Variants in STARD9 observed in about 807,000 individuals in gnomAD.
STARD9 encodes stAR-related lipid transfer protein 9.
A neutral mutation model predicts 399.8 loss-of-function variants in STARD9; 346 were observed. The ratio of observed to expected loss-of-function variants is 0.87; its 90% confidence interval spans 0.79 to 0.95. The LOEUF (loss-of-function observed/expected upper bound fraction) is 0.95, where lower values mean the gene tolerates loss of function less well. Among genes scored for constraint, STARD9 ranks in the 40% least tolerant of loss-of-function variants. STARD9 has a pLI of 0.00. For synonymous variants in STARD9, 2,203 were observed against 2,143.5 expected (o/e 1.03, Z -0.77); for missense variants, 5,832 against 5,667.5 (o/e 1.03, Z -0.93).
At chr15:42,578,487 G>A (rs2058101720) in intron 1 of STARD9, among the ~76,000 whole-genome samples, 2 of 152,118 alleles carry the variant, frequency 1.3e-5, no homozygotes, top group Non-Finnish European at 2.9e-5. Context: ...ATCAGAAATT[G>A]CATATCTCAT....
At position 42,694,550 on chromosome 15, in the gene STARD9, C is replaced by T. The variant is rs369472585; in HGVS notation, c.12787C>T (p.Leu4263Phe). The change falls in exon 24 of 33, where the codon CTC (leucine) becomes TTC (phenylalanine). Residue 4263 changes from leucine (L) to phenylalanine (F), a missense_variant. Physicochemically the swap from Leu to Phe is conservative, Grantham distance 22. Transcript: ENST00000290607. ...YARQKKAIET[L>F]RRERAERLGN... ...CAGGCAAAAAAAGGCCATTGAGACCCTCAGGAGAGAGCGGGCTGAGCGACT... is the reference window on the plus strand; with the variant it reads ...CAGGCAAAAAAAGGCCATTGAGACCTTCAGGAGAGAGCGGGCTGAGCGACT... The T allele has an allele frequency of 2.0e-6, 3 of 1,537,206 alleles. No individual in the cohort carries two copies. Among genetic ancestry groups the T allele is most frequent in the Middle Eastern group, 1.7e-4 (1 of 5,990 alleles).
chr15:42,583,430 GT>G lies in STARD9; in HGVS notation c.117+20del. 6.5e-7 allele frequency: 1 copy of G among 1,529,704 alleles called. No individual in the cohort carries two copies. Among genetic ancestry groups the G allele is most frequent in the Admixed American group, 2.0e-5 (1 of 50,866 alleles). 94.8% of individuals were successfully genotyped at this position (1,529,704 alleles called of 1,614,324 possible). On this transcript the variant is annotated intron_variant, in intron 2 of 32. Coordinates refer to ENST00000290607, the MANE Select transcript of STARD9 (RefSeq NM_020759.3). ...GGAATTTAAAGGTAAGCCTGAAATTGTTTTTCATTTTCTTTCCACTGAGGAG... is the reference window on the plus strand; with the variant it reads ...GGAATTTAAAGGTAAGCCTGAAATTGTTTTCATTTTCTTTCCACTGAGGAG...
chr15:42,668,889 C>T (rs1416073872), intron 15 of STARD9, among the ~76,000 whole-genome samples: 3 of 152,050 alleles, frequency 2.0e-5, no homozygotes, highest in Non-Finnish European at 4.4e-5. Context: ...ATTATAAAAA[C>T]AATACATGTT....
chr15:42,593,826 G>C (rs1346177686), intron 3 of STARD9, among the ~76,000 whole-genome samples: 1 of 151,290 alleles, frequency 6.6e-6, no homozygotes, highest in Non-Finnish European at 1.5e-5. Context: ...ACCACGCCCG[G>C]CTAACTTTTT....
At chr15:42,641,171 A>C (rs1045401669) in intron 7 of STARD9, among the ~76,000 whole-genome samples, 1 of 152,202 alleles carries the variant, frequency 6.6e-6, no homozygotes, top group African/African-American at 2.4e-5. Flanking sequence ...ATCAGGATTC[A>C]AATCTCAGGG....
chr15:42,628,008 A>G (rs2059259251), intron 3 of STARD9, among the ~76,000 whole-genome samples: 1 of 152,186 alleles, frequency 6.6e-6, no homozygotes, highest in Admixed American at 6.5e-5. Flanking sequence ...AGGAACCTCC[A>G]TACTCTTCTC....
At chr15:42,710,689 C>T (rs1595822441) in intron 26 of STARD9, among the ~76,000 whole-genome samples, 1 of 152,200 alleles carries the variant, frequency 6.6e-6, no homozygotes, top group East Asian at 1.9e-4. Flanking sequence ...CTTCAAACCA[C>T]AGACATTTAT....
rs866842460 is a variant in STARD9 at position 42,688,053 on chromosome 15, C to T, written c.6475C>T (p.Arg2159Ter). 5 of 1,537,282 alleles carry T rather than the reference C, an allele frequency of 3.3e-6. No individual in the cohort carries two copies. Among genetic ancestry groups the T allele is most frequent in the East Asian group, 2.4e-5 (1 of 40,924 alleles). Reference sequence around the variant, plus strand: ...CCCCTTCAGGTCAAGGGAAGGTGTACGAGAGAGTGAACCTGTGAGAGAGCA... The same window carrying T: ...CCCCTTCAGGTCAAGGGAAGGTGTATGAGAGAGTGAACCTGTGAGAGAGCA... The part of the protein sequence containing the change: ...PNPFRSREGV[R>*]ESEPVREHTH... The change falls in exon 23 of 33, where the codon CGA (arginine) becomes TGA (stop). Residue 2159 changes from arginine to a stop codon, truncating the protein, a stop_gained. Coordinates refer to ENST00000290607, the MANE Select transcript of STARD9 (RefSeq NM_020759.3). LOFTEE classifies it high-confidence loss of function.
intron 9 of STARD9, 50 bp from the exon 10 acceptor site, chr15:42,661,108 A>G: frequency 1.5e-6 from 2 of 1,369,794 alleles, no homozygotes; most frequent in Non-Finnish European, 2.0e-6. Context: ...CTAAGGGGAA[A>G]ACAATACAAA....
At chr15:42,708,342 T>C (rs952546989) in intron 26 of STARD9, among the ~76,000 whole-genome samples, 9 of 152,268 alleles carry the variant, frequency 5.9e-5, no homozygotes, top group Non-Finnish European at 1.2e-4. Context: ...CCTGTTTTTG[T>C]AAATAAAGTT....
Position 42,686,592 on chromosome 15 carries a change from T to A in STARD9, c.5014T>A (p.Trp1672Arg), listed in dbSNP as rs1370809696. The A allele has an allele frequency of 6.5e-7, 1 of 1,537,426 alleles. No individual in the cohort carries two copies. The highest frequency in any genetic ancestry group is 8.7e-7 in the Non-Finnish European group (1 of 1,147,004). ...CAAAGCAGACCATTGGTCCCAAGGC[T>A]GGGCTCCTCTCAGGAAAAATAGTGC... Reference protein sequence around the residue: ...ATKADHWSQGWAPLRKNSAVQ... With the variant: ...ATKADHWSQGRAPLRKNSAVQ... The change falls in exon 23 of 33, where the codon TGG (tryptophan) becomes AGG (arginine). Residue 1672 changes from tryptophan to arginine, a missense_variant. Trp to Arg is a moderately radical substitution (Grantham distance 101). Around this residue, in one of 2 missense-constraint regions of STARD9, gnomAD observed 5,828 missense variants for 5,651.1 expected, o/e 1.03. Transcript: ENST00000290607.
At chr15:42,598,000 A>ATATATGTG (rs1555388916) in intron 3 of STARD9, among the ~76,000 whole-genome samples, 4 of 115,110 alleles carry the variant, frequency 3.5e-5, no homozygotes, top group African/African-American at 1.4e-4. Flanking sequence ...GTATATATAT[A>ATATATGTG]TGTGTGTGTG....
At chr15:42,708,326 C>T (rs560392704) in intron 26 of STARD9, among the ~76,000 whole-genome samples, 4 of 152,224 alleles carry the variant, frequency 2.6e-5, no homozygotes, top group Non-Finnish European at 5.9e-5. Flanking sequence ...CAGATCTGGC[C>T]TGCTTCCTGT....
At chr15:42,652,666 C>G in intron 9 of STARD9, 74 bp downstream of exon 9, 1 of 1,336,858 alleles carries the variant, frequency 7.5e-7, no homozygotes, top group Non-Finnish European at 1.0e-6. Context: ...GTCTTCCTTC[C>G]TATTTCTTTT....
At chr15:42,632,895 C>T (rs1018540835) in intron 3 of STARD9, among the ~76,000 whole-genome samples, 10 of 152,104 alleles carry the variant, frequency 6.6e-5, no homozygotes, top group African/African-American at 2.4e-4. Context: ...GTAATCCCAG[C>T]ACTTTGGGAG....
In STARD9 at chr15:42,692,016, C is replaced by T. The variant is rs147381465; in HGVS notation, c.10438C>T (p.Arg3480Cys). The change falls in exon 23 of 33, where the codon CGT becomes TGT. Residue 3480 changes from arginine (R) to cysteine (C), a missense_variant. By Grantham distance (180) the Arg-to-Cys change is radical (BLOSUM62 -3). This residue lies in a region of STARD9 where 5,828 missense variants were observed against 5,651.1 expected (regional missense o/e 1.03). Coordinates refer to ENST00000290607, the MANE Select transcript of STARD9 (RefSeq NM_020759.3). ...ALPWRPEEPA[R>C]ISWKQYMSGS... ...GCCGTGGCGTCCGGAGGAGCCTGCA[C>T]GTATCAGCTGGAAGCAGTATATGTC... 1.6e-5 allele frequency: 24 copies of T among 1,537,204 alleles called. No individual in the cohort carries two copies. Among genetic ancestry groups the T allele is most frequent in the Middle Eastern group, 1.7e-4 (1 of 5,990 alleles).
In STARD9 at chr15:42,719,803, A is replaced by C. The variant is rs2061419313; in HGVS notation, c.*229A>C. On this transcript the variant is annotated 3_prime_UTR_variant, in exon 33 of 33. Transcript: ENST00000290607. ...CAAACGGCCTGAGCTCCTGGCCCAGACTATCCAGAGTGAATGCAGCTCCGC... is the reference window on the plus strand; with the variant it reads ...CAAACGGCCTGAGCTCCTGGCCCAGCCTATCCAGAGTGAATGCAGCTCCGC... 2 of 526,384 alleles carry C rather than the reference A, an allele frequency of 3.8e-6. No individual in the cohort carries two copies. The highest frequency in any genetic ancestry group is 1.9e-5 in the African/African-American group (1 of 51,716). The allele number at this position is 526,384 out of a possible 1,614,324, so 32.6% of individuals were successfully genotyped here. A position where few individuals can be genotyped will look rare whatever the true frequency, so the allele number is the denominator to read the frequency against.
At chr15:42,583,571 CAAATCAAG>C (rs932628347) in intron 2 of STARD9, among the ~76,000 whole-genome samples, 156 bp downstream of exon 2, 14 of 152,214 alleles carry the variant, frequency 9.2e-5, no homozygotes, top group East Asian at 3.9e-4. Flanking sequence ...AATCATAAAG[CAAATCAAG>C]AAATCAAGAA....
In STARD9 at chr15:42,685,376, T is replaced by C. The variant is rs1324866801; in HGVS notation, c.3798T>C (p.Asp1266=). The change falls in exon 23 of 33, where the codon GAT becomes GAC. Residue 1266 remains aspartate, a synonymous_variant. Coordinates refer to ENST00000290607, the MANE Select transcript of STARD9 (RefSeq NM_020759.3). The stretch of plus-strand genomic sequence containing the variant: ...ACTACAGAACAGCAGCTAGGCTGGA[T>C]GCCGTCCTGCCAATGAGCAGTTCGT... ...PINYRTAARL[D]AVLPMSSSFY... 1.3e-6 allele frequency: 2 copies of C among 1,537,100 alleles called. No homozygotes were observed. The highest frequency in any genetic ancestry group is 3.9e-5 in the Admixed American group (2 of 50,968).
Sources: gnomAD v4.1 joint callset for allele counts (sites outside exome capture counted in the v4.1 genomes callset) on GRCh38, gnomAD v4.1.1 for gene constraint, gnomAD v4.1.1 regional missense constraint, MANE v1.5 for transcripts, NCBI Gene and HGNC (gene_info 2026-07-23, HGNC 2026-07-21) for gene names.